Variants in MMP24OS observed in about 807,000 individuals in gnomAD.
MMP24OS encodes MMP24 opposite strand.
At position 35,277,357 on chromosome 20, in the gene MMP24OS, G is replaced by T. The variant is rs959448991; in HGVS notation, c.*357C>A. ...ATACAGATATTAATAAAAGGCAGAC[G>T]AAGTCAGGAGGTCAGCAACTTTGCG... On this transcript the variant is annotated 3_prime_UTR_variant, in exon 2 of 2. Coordinates refer to ENST00000456790, the MANE Select transcript of MMP24OS (RefSeq NM_001355003.2). The T allele has an allele frequency of 1.1e-5, 3 of 264,008 alleles. No individual in the cohort carries two copies. The highest frequency in any genetic ancestry group is 6.7e-5 in the African/African-American group (3 of 44,946). The allele number at this position is 264,008 out of a possible 1,614,324, so 16.4% of individuals were successfully genotyped here.
rs1180891502 is a variant in MMP24OS at position 35,277,779 on chromosome 20, CGGGCTGGGGCTGGGGCTGGGGCTG to C, written c.127_150del (p.Gln43_Pro50del). Reference sequence around the variant, plus strand: ...TCCAGCGGCCCCCACGGGCTGGGCTCGGGCTGGGGCTGGGGCTGGGGCTGGGGCTGGGGCTGGGGCGGATGCCGG... The same window carrying C: ...TCCAGCGGCCCCCACGGGCTGGGCTCGGGCTGGGGCTGGGGCGGATGCCGG... On this transcript the variant is annotated inframe_deletion, in exon 2 of 2. Coordinates refer to ENST00000456790, the MANE Select transcript of MMP24OS (RefSeq NM_001355003.2). The C allele has an allele frequency of 5.8e-5, 10 of 172,462 alleles. No individual in the cohort carries two copies. Among genetic ancestry groups the C allele is most frequent in the East Asian group, 9.9e-5 (1 of 10,112 alleles). 10.7% of individuals were successfully genotyped at this position (172,462 alleles called of 1,614,324 possible). A position where few individuals can be genotyped will look rare whatever the true frequency, so the allele number is the denominator to read the frequency against.
At position 35,276,438 on chromosome 20, in the gene MMP24OS, C is replaced by T. The variant is rs903832194; in HGVS notation, c.*1276G>A. On this transcript the variant is annotated 3_prime_UTR_variant, in exon 2 of 2. Transcript: ENST00000456790. Reference sequence around the variant, plus strand: ...AGGCCCTGGGAGGCCGACGGTAACTCTCACCGTGCCCTCAGATGAAGCACA... The same window carrying T: ...AGGCCCTGGGAGGCCGACGGTAACTTTCACCGTGCCCTCAGATGAAGCACA... 6 of 397,684 alleles carry T rather than the reference C, an allele frequency of 1.5e-5. No homozygotes were observed. The highest frequency in any genetic ancestry group is 2.2e-5 in the Non-Finnish European group (5 of 225,780). 24.6% of individuals were successfully genotyped at this position (397,684 alleles called of 1,614,324 possible). A position where few individuals can be genotyped will look rare whatever the true frequency, so the allele number is the denominator to read the frequency against.
chr20:35,277,974 AC>A, intron 1 of MMP24OS, 34 bp downstream of exon 1: 1 of 395,338 alleles, frequency 2.5e-6, no homozygotes, highest in Non-Finnish European at 4.5e-6. Context: ...TCGCCGGGAC[AC>A]CCCGCTAGGG....
rs2060722824 is a variant in MMP24OS, at chr20:35,277,738, G to A, written c.192C>T (p.Leu64=). The change falls in exon 2 of 2, where the codon CTC becomes CTT. Residue 64 remains leucine (L), a synonymous_variant. Transcript: ENST00000456790. ...GTCAGTACCAGGAAGTGCAGGCGAT[G>A]AGGAAGCGCACGTCGTCCAGCGGCC... ...PWGPLDDVRF[L]IACTSWY The A allele has an allele frequency of 5.1e-6, 2 of 393,230 alleles. No individual in the cohort carries two copies. The highest frequency in any genetic ancestry group is 3.6e-5 in the East Asian group (1 of 27,662). The allele number at this position is 393,230 out of a possible 1,614,324, so 24.4% of individuals were successfully genotyped here.
rs1486254093 is a variant in MMP24OS at position 35,277,644 on chromosome 20, AGAG to A, written c.*67_*69del. On this transcript the variant is annotated 3_prime_UTR_variant, in exon 2 of 2. Coordinates refer to ENST00000456790, the MANE Select transcript of MMP24OS (RefSeq NM_001355003.2). ...GTGTAAGAGACGCAGGGACGTGGGG[AGAG>A]GAGACAAGGCAGGCAAGAACCACAG... 7 of 394,694 alleles carry A rather than the reference AGAG, an allele frequency of 1.8e-5. No individual in the cohort carries two copies. Among genetic ancestry groups the A allele is most frequent in the Non-Finnish European group, 3.1e-5 (7 of 223,472 alleles). The allele number at this position is 394,694 out of a possible 1,614,324, so 24.4% of individuals were successfully genotyped here.
Position 35,276,641 on chromosome 20 carries a change from T to C in MMP24OS, c.*1073A>G, listed in dbSNP as rs983240217. On this transcript the variant is annotated 3_prime_UTR_variant, in exon 2 of 2. Coordinates refer to ENST00000456790, the MANE Select transcript of MMP24OS (RefSeq NM_001355003.2). ...CTCCTCAGGTTGGTGCTCTCACTTC[T>C]TGAAAGCTCTAGGCACCCCCGCCTC... The C allele has an allele frequency of 2.0e-5, 4 of 201,132 alleles. No homozygotes were observed. Among genetic ancestry groups the C allele is most frequent in the African/African-American group, 9.2e-5 (4 of 43,466 alleles). 12.5% of individuals were successfully genotyped at this position (201,132 alleles called of 1,614,324 possible).
At position 35,276,551 on chromosome 20, in the gene MMP24OS, T is replaced by G. The variant is rs974275060; in HGVS notation, c.*1163A>C. On this transcript the variant is annotated 3_prime_UTR_variant, in exon 2 of 2. Coordinates refer to ENST00000456790, the MANE Select transcript of MMP24OS (RefSeq NM_001355003.2). ...GACCCCTCTAGGGTCTGAGATGAGA[T>G]GAGAAGTGTCTCCTGTATCCACCTC... 5.5e-6 allele frequency: 2 copies of G among 362,524 alleles called. No individual in the cohort carries two copies. The highest frequency in any genetic ancestry group is 9.4e-5 in the Admixed American group (2 of 21,306). 22.5% of individuals were successfully genotyped at this position (362,524 alleles called of 1,614,324 possible).
chr20:35,276,476 C>T lies in MMP24OS; in HGVS notation c.*1238G>A. 2.5e-6 allele frequency: 1 copy of T among 395,524 alleles called. No individual in the cohort carries two copies. 24.5% of individuals were successfully genotyped at this position (395,524 alleles called of 1,614,324 possible). ...CAGATGAAGCACAGAGAGGTTGTTA[C>T]TTGCCCGGGCCATCCAGTGGGCTGG... is the stretch of plus-strand genomic sequence containing the variant. On this transcript the variant is annotated 3_prime_UTR_variant, in exon 2 of 2. Transcript: ENST00000456790.
At position 35,276,812 on chromosome 20, in the gene MMP24OS, T is replaced by G. The variant is rs2060710884; in HGVS notation, c.*902A>C. 1 of 153,052 alleles carries G rather than the reference T, an allele frequency of 6.5e-6. No homozygotes were observed. Among genetic ancestry groups the G allele is most frequent in the African/African-American group, 2.4e-5 (1 of 41,490 alleles). The allele number at this position is 153,052 out of a possible 1,614,324, so 9.5% of individuals were successfully genotyped here. ...GCTTCCAATCTCAGATTCTCCTGCC[T>G]GTGGTCATCTGTTTGTCCATCACCC... On this transcript the variant is annotated 3_prime_UTR_variant, in exon 2 of 2. Coordinates refer to ENST00000456790, the MANE Select transcript of MMP24OS (RefSeq NM_001355003.2).
rs1414291188 is a variant in MMP24OS, at chr20:35,276,433, T to C, written c.*1281A>G. 7.5e-6 allele frequency: 3 copies of C among 397,766 alleles called. No homozygotes were observed. Among genetic ancestry groups the C allele is most frequent in the Non-Finnish European group, 1.3e-5 (3 of 225,824 alleles). The allele number at this position is 397,766 out of a possible 1,614,324, so 24.6% of individuals were successfully genotyped here. ...GTGTTAGGCCCTGGGAGGCCGACGG[T>C]AACTCTCACCGTGCCCTCAGATGAA... On this transcript the variant is annotated 3_prime_UTR_variant, in exon 2 of 2. Coordinates refer to ENST00000456790, the MANE Select transcript of MMP24OS (RefSeq NM_001355003.2).
Position 35,277,773 on chromosome 20 carries a change from TGGGCTCGGGCTGGGGCTG to T in MMP24OS, c.139_156del (p.Gln47_Pro52del), listed in dbSNP as rs1600815598. On this transcript the variant is annotated inframe_deletion, in exon 2 of 2. Transcript: ENST00000456790. ...ACGTCGTCCAGCGGCCCCCACGGGCTGGGCTCGGGCTGGGGCTGGGGCTGGGGCTGGGGCTGGGGCTGG... is the reference window on the plus strand; with the variant it reads ...ACGTCGTCCAGCGGCCCCCACGGGCTGGGCTGGGGCTGGGGCTGGGGCTGG... The T allele has an allele frequency of 5.6e-6, 1 of 177,856 alleles. No homozygotes were observed. The highest frequency in any genetic ancestry group is 9.7e-5 in the East Asian group (1 of 10,266). 11.0% of individuals were successfully genotyped at this position (177,856 alleles called of 1,614,324 possible). A position where few individuals can be genotyped will look rare whatever the true frequency, so the allele number is the denominator to read the frequency against.
rs1013247504 is a variant in MMP24OS, at chr20:35,277,632, A to C, written c.*82T>G. ...GGGTGGGAGGGGGTGTAAGAGACGCAGGGACGTGGGGAGAGGAGACAAGGC... is the reference window on the plus strand; with the variant it reads ...GGGTGGGAGGGGGTGTAAGAGACGCCGGGACGTGGGGAGAGGAGACAAGGC... On this transcript the variant is annotated 3_prime_UTR_variant, in exon 2 of 2. Transcript: ENST00000456790. 19 of 393,744 alleles carry C rather than the reference A, an allele frequency of 4.8e-5. No homozygotes were observed. Among genetic ancestry groups the C allele is most frequent in the African/African-American group, 3.9e-4 (19 of 48,442 alleles). The allele number at this position is 393,744 out of a possible 1,614,324, so 24.4% of individuals were successfully genotyped here.
chr20:35,277,878 G>A lies in MMP24OS; in HGVS notation c.52C>T (p.Gln18Ter), dbSNP rs1418158752. The part of the protein sequence containing the change: ...GRGAPEPAQT[Q>*]PQPQPQPAAP... ...GCAGGCTGGGGCTGGGGCTGGGGCT[G>A]GGTTTGCGCAGGCTCCGGGGCGCCG... Residue 18 changes from glutamine (Q) to a stop codon, truncating the protein, a stop_gained, in exon 2 of 2, where the codon CAG (glutamine) becomes TAG (stop). Coordinates refer to ENST00000456790, the MANE Select transcript of MMP24OS (RefSeq NM_001355003.2). LOFTEE classifies it high-confidence loss of function. 2 of 399,074 alleles carry A rather than the reference G, an allele frequency of 5.0e-6. No individual in the cohort carries two copies. Among genetic ancestry groups the A allele is most frequent in the East Asian group, 3.6e-5 (1 of 28,058 alleles). The allele number at this position is 399,074 out of a possible 1,614,324, so 24.7% of individuals were successfully genotyped here.
rs2060706763 is a variant in MMP24OS, at chr20:35,276,431, G to A, written c.*1283C>T. 2.5e-6 allele frequency: 1 copy of A among 397,826 alleles called. No individual in the cohort carries two copies. Among genetic ancestry groups the A allele is most frequent in the Non-Finnish European group, 4.4e-6 (1 of 225,784 alleles). The allele number at this position is 397,826 out of a possible 1,614,324, so 24.6% of individuals were successfully genotyped here. On this transcript the variant is annotated 3_prime_UTR_variant, in exon 2 of 2. Coordinates refer to ENST00000456790, the MANE Select transcript of MMP24OS (RefSeq NM_001355003.2). ...TCGTGTTAGGCCCTGGGAGGCCGAC[G>A]GTAACTCTCACCGTGCCCTCAGATG...
rs1460818834 is a variant in MMP24OS at position 35,277,050 on chromosome 20, C to CT, written c.*663dup. On this transcript the variant is annotated 3_prime_UTR_variant, in exon 2 of 2. Transcript: ENST00000456790. ...ACAAAGATCAGGTTCCAAGAGTAAC[C>CT]TTAGGACGCTCTGGGAAGAGAACCG... 6.6e-6 allele frequency: 1 copy of CT among 152,602 alleles called. No individual in the cohort carries two copies. Among genetic ancestry groups the CT allele is most frequent in the Non-Finnish European group, 1.5e-5 (1 of 68,030 alleles). The allele number at this position is 152,602 out of a possible 1,614,324, so 9.5% of individuals were successfully genotyped here.
Position 35,277,908 on chromosome 20 carries a change from C to T in MMP24OS, c.22G>A (p.Gly8Ser). Residue 8 changes from glycine (G) to serine (S), a missense_variant, in exon 2 of 2, where the codon GGC becomes AGC. Gly to Ser is a moderately conservative substitution (Grantham distance 56). Transcript: ENST00000456790. ...TGCGCAGGCTCCGGGGCGCCGCGGC[C>T]GCCGCTTAGCTGAGCCCCCATGGTC... is the stretch of plus-strand genomic sequence containing the variant. Reference protein sequence around the residue: MGAQLSGGRGAPEPAQTQ... With the variant: MGAQLSGSRGAPEPAQTQ... The T allele has an allele frequency of 2.5e-6, 1 of 398,346 alleles. No homozygotes were observed. The highest frequency in any genetic ancestry group is 4.4e-6 in the Non-Finnish European group (1 of 226,082). 24.7% of individuals were successfully genotyped at this position (398,346 alleles called of 1,614,324 possible). A position where few individuals can be genotyped will look rare whatever the true frequency, so the allele number is the denominator to read the frequency against.
rs1335415501 is a variant in MMP24OS at position 35,276,469 on chromosome 20, G to A, written c.*1245C>T. 6 of 396,240 alleles carry A rather than the reference G, an allele frequency of 1.5e-5. No individual in the cohort carries two copies. Among genetic ancestry groups the A allele is most frequent in the Non-Finnish European group, 2.7e-5 (6 of 224,826 alleles). 24.5% of individuals were successfully genotyped at this position (396,240 alleles called of 1,614,324 possible). ...GTGCCCTCAGATGAAGCACAGAGAGGTTGTTACTTGCCCGGGCCATCCAGT... is the reference window on the plus strand; with the variant it reads ...GTGCCCTCAGATGAAGCACAGAGAGATTGTTACTTGCCCGGGCCATCCAGT... On this transcript the variant is annotated 3_prime_UTR_variant, in exon 2 of 2. Transcript: ENST00000456790.
In MMP24OS at chr20:35,276,420, G is replaced by A. The variant is rs2060706527; in HGVS notation, c.*1294C>T. 1 of 397,902 alleles carries A rather than the reference G, an allele frequency of 2.5e-6. No homozygotes were observed. The highest frequency in any genetic ancestry group is 1.4e-4 in the South Asian group (1 of 7,072). The allele number at this position is 397,902 out of a possible 1,614,324, so 24.6% of individuals were successfully genotyped here. The stretch of plus-strand genomic sequence containing the variant: ...TCACATGAAACTCGTGTTAGGCCCT[G>A]GGAGGCCGACGGTAACTCTCACCGT... On this transcript the variant is annotated 3_prime_UTR_variant, in exon 2 of 2. Coordinates refer to ENST00000456790, the MANE Select transcript of MMP24OS (RefSeq NM_001355003.2).
At chr20:35,277,956 G>A in intron 1 of MMP24OS, 24 bp from the exon 2 acceptor site, 1 of 396,808 alleles carries the variant, frequency 2.5e-6, no homozygotes, top group Non-Finnish European at 4.4e-6. Flanking sequence ...AGCCCTTTAA[G>A]GTCTGGGTCG....
Sources: gnomAD v4.1 joint callset for allele counts on GRCh38, gnomAD v4.1.1 for gene constraint, MANE v1.5 for transcripts, NCBI Gene and HGNC (gene_info 2026-07-23, HGNC 2026-07-21) for gene names.